The following EDEM1 variants were observed in gnomAD, a reference collection of about 807,000 sequenced individuals.
The protein encoded by EDEM1 is ER degradation enhancing alpha-mannosidase like protein 1.
In EDEM1, 67 loss-of-function variants were observed where a neutral mutation model predicts 74.4. The observed-to-expected ratio is 0.90, with a 90% CI of 0.74 to 1.10. EDEM1 has a LOEUF of 1.10. Ranked by LOEUF, EDEM1 falls within the 50% of genes least tolerant of loss-of-function variation. The pLI is 0.00. For missense variants in EDEM1, 926 were observed against 851.6 expected (o/e 1.09, Z -1.09); for synonymous variants, 382 against 335.9 (o/e 1.14, Z -1.50).
chr3:5,218,059 T>C lies in EDEM1; in HGVS notation c.*2141T>C, dbSNP rs2055263304. ...AAGCCTGGGTGTTCCTTCCTCCTCA[T>C]GCTCCTGGAATAGGGAATAGGGATC... On this transcript the variant is annotated 3_prime_UTR_variant, in exon 12 of 12. Transcript: ENST00000256497. 2 of 152,282 alleles carry C rather than the reference T, an allele frequency of 1.3e-5. No individual in the cohort carries two copies. The highest frequency in any genetic ancestry group is 3.8e-4 in the East Asian group (2 of 5,196). The allele number at this position is 152,282 out of a possible 1,614,324, so 9.4% of individuals were successfully genotyped here.
intron 3 of EDEM1, among the ~76,000 whole-genome samples, chr3:5,200,997 A>G (rs1282815402): frequency 6.6e-6 from 1 of 151,532 alleles, no homozygotes; most frequent in Non-Finnish European, 1.5e-5. Context: ...CCTGGGCTCA[A>G]GCGATCCTCC....
rs747423181 is a variant in EDEM1 at position 5,187,983 on chromosome 3, G to A, written c.178G>A (p.Val60Met). Reference protein sequence around the residue: ...DGPASPTSGPVGRPGGVSGPS... With the variant: ...DGPASPTSGPMGRPGGVSGPS... ...CCCCGCGTCGCCCACCTCGGGGCCC[G>A]TGGGCCGGCCTGGGGGGGTATCCGG... The change falls in exon 1 of 12, where the codon GTG (valine) becomes ATG (methionine). Residue 60 changes from valine to methionine, a missense_variant. By Grantham distance (21) the Val-to-Met change is conservative. Transcript: ENST00000256497. 5 of 1,537,434 alleles carry A rather than the reference G, an allele frequency of 3.3e-6. No homozygotes were observed. Among genetic ancestry groups the A allele is most frequent in the Non-Finnish European group, 4.4e-6 (5 of 1,144,992 alleles).
rs116541977 is a variant in EDEM1 at position 5,193,573 on chromosome 3, T to C, written c.510-1636T>C. ...TCCTAGACTATAGCCCCCATATATA[T>C]CTCGTTTCAAAAAAACAGTATCTAA... On this transcript the variant is annotated intron_variant, in intron 1 of 11. Coordinates refer to ENST00000256497, the MANE Select transcript of EDEM1 (RefSeq NM_014674.3). Among the ~76,000 whole-genome samples the C allele has an allele frequency of 2.4e-3, 369 of 151,748 alleles. 1 individual carries two copies. Among genetic ancestry groups the C allele is most frequent in the South Asian group, 4.4e-3 (21 of 4,818 alleles).
chr3:5,188,671 A>G (rs927696571), intron 1 of EDEM1, among the ~76,000 whole-genome samples: 3 of 152,222 alleles, frequency 2.0e-5, no homozygotes, highest in African/African-American at 7.2e-5. Context: ...CTTCCTCCGG[A>G]TGAGCATAAA....
At chr3:5,204,137 A>T (rs890894999) in intron 5 of EDEM1, among the ~76,000 whole-genome samples, 18 of 152,216 alleles carry the variant, frequency 1.2e-4, no homozygotes, top group Non-Finnish European at 1.6e-4. Flanking sequence ...TCAAATTGTC[A>T]GCCTATCACC....
intron 9 of EDEM1, among the ~76,000 whole-genome samples, chr3:5,210,620 A>T (rs1398837013): frequency 2.0e-5 from 3 of 152,140 alleles, no homozygotes; most frequent in Admixed American, 1.3e-4. Context: ...ATAATCTTTT[A>T]AATATTTTTA....
At position 5,202,022 on chromosome 3, in the gene EDEM1, G is replaced by A. The variant is rs1303540442; in HGVS notation, c.858+98G>A. ...ATTTATTTGGGAGAAGGAATGGGAT[G>A]GAGGTAGATGAGAAAAGCAGTGTCC... On this transcript the variant is annotated intron_variant, in intron 4 of 11. Coordinates refer to ENST00000256497, the MANE Select transcript of EDEM1 (RefSeq NM_014674.3). 8.6e-6 allele frequency: 12 copies of A among 1,401,576 alleles called. No individual in the cohort carries two copies. In the East Asian group the frequency reaches 1.9e-4, roughly 22 times the overall value. The allele number at this position is 1,401,576 out of a possible 1,614,324, so 86.8% of individuals were successfully genotyped here. A position where few individuals can be genotyped will look rare whatever the true frequency, so the allele number is the denominator to read the frequency against.
At chr3:5,201,646 A>G in intron 3 of EDEM1, 107 bp from the exon 4 acceptor site, 1 of 1,309,566 alleles carries the variant, frequency 7.6e-7, no homozygotes, top group Non-Finnish European at 1.1e-6. Flanking sequence ...GACGTCAGGC[A>G]GTTCTGAGTC....
At chr3:5,201,626 A>T in intron 3 of EDEM1, 127 bp from the exon 4 acceptor site, 1 of 1,018,078 alleles carries the variant, frequency 9.8e-7, no homozygotes, top group Non-Finnish European at 1.5e-6. Context: ...CCATTAAGTC[A>T]GGTCTCTCTG....
Position 5,213,164 on chromosome 3 carries a change from C to T in EDEM1, c.1681-155C>T, listed in dbSNP as rs181406085. ...TCTGCCTTGCAGCCTGGGTTGGGCA[C>T]CACAGTTGTCAGTCAATTCCTTTTC... On this transcript the variant is annotated intron_variant, in intron 10 of 11. Coordinates refer to ENST00000256497, the MANE Select transcript of EDEM1 (RefSeq NM_014674.3). Among the ~76,000 whole-genome samples, 211 of 152,256 alleles carry T rather than the reference C, an allele frequency of 1.4e-3. 1 individual carries two copies. Among genetic ancestry groups the T allele is most frequent in the African/African-American group, 4.9e-3 (204 of 41,548 alleles).
At chr3:5,203,411 G>C (rs372910291) in intron 5 of EDEM1, among the ~76,000 whole-genome samples, 1 of 152,182 alleles carries the variant, frequency 6.6e-6, no homozygotes, top group East Asian at 1.9e-4. Flanking sequence ...ATTGTTAATG[G>C]AAATGCCGTA....
rs2055268473 is a variant in EDEM1 at position 5,218,449 on chromosome 3, G to C, written c.*2531G>C. ...TTCTGTTCTGTGTTCTGAAATACTG[G>C]GTAGAGAATGGCTGAGGAGGAGATT... On this transcript the variant is annotated 3_prime_UTR_variant, in exon 12 of 12. Coordinates refer to ENST00000256497, the MANE Select transcript of EDEM1 (RefSeq NM_014674.3). 6.6e-6 allele frequency: 1 copy of C among 151,830 alleles called. No individual in the cohort carries two copies. Among genetic ancestry groups the C allele is most frequent in the South Asian group, 2.1e-4 (1 of 4,806 alleles). 9.4% of individuals were successfully genotyped at this position (151,830 alleles called of 1,614,324 possible).
rs1027969446 is a variant in EDEM1 at position 5,203,209 on chromosome 3, C to T, written c.1042+60C>T. The T allele has an allele frequency of 5.5e-6, 8 of 1,453,946 alleles. No individual in the cohort carries two copies. The Admixed American group carries it at 1.8e-4, about 32-fold the overall frequency. The allele number at this position is 1,453,946 out of a possible 1,614,324, so 90.1% of individuals were successfully genotyped here. Reference sequence around the variant, plus strand: ...CTGCTTGGTCCCCTTTTCCTTTCATCTTCTCTGGGCTCTGCCCCCTTTTTA... The same window carrying T: ...CTGCTTGGTCCCCTTTTCCTTTCATTTTCTCTGGGCTCTGCCCCCTTTTTA... On this transcript the variant is annotated intron_variant, in intron 5 of 11. Coordinates refer to ENST00000256497, the MANE Select transcript of EDEM1 (RefSeq NM_014674.3).
chr3:5,211,255 T>A, intron 10 of EDEM1, 39 bp downstream of exon 10: 1 of 1,584,626 alleles, frequency 6.3e-7, no homozygotes, highest in Non-Finnish European at 8.7e-7. Context: ...ATATTTAGTA[T>A]TGCTTAGAGC....
chr3:5,214,567 A>G (rs1455449628), intron 11 of EDEM1, among the ~76,000 whole-genome samples: 5 of 152,226 alleles, frequency 3.3e-5, no homozygotes, highest in Admixed American at 2.6e-4. Flanking sequence ...AGCATTTGCA[A>G]ACACATACCA....
At chr3:5,207,979 G>A (rs1421557465) in intron 7 of EDEM1, 114 bp from the exon 8 acceptor site, 4 of 1,297,948 alleles carry the variant, frequency 3.1e-6, no homozygotes, top group Non-Finnish European at 3.1e-6. Context: ...TTAACCGTAT[G>A]TGTAGGTCAA....
chr3:5,195,504 G>A (rs2054954687), intron 2 of EDEM1, among the ~76,000 whole-genome samples: 2 of 152,098 alleles, frequency 1.3e-5, no homozygotes, highest in Admixed American at 1.3e-4. Context: ...GAGAAGGAAT[G>A]TACGATTGAT....
chr3:5,203,413 A>T (rs995451306), intron 5 of EDEM1, among the ~76,000 whole-genome samples: 3 of 152,166 alleles, frequency 2.0e-5, no homozygotes, highest in African/African-American at 7.2e-5. Flanking sequence ...TGTTAATGGA[A>T]ATGCCGTAAA....
chr3:5,204,960 G>T, intron 5 of EDEM1, 107 bp from the exon 6 acceptor site: 2 of 1,252,206 alleles, frequency 1.6e-6, no homozygotes, highest in Non-Finnish European at 1.1e-6. Context: ...TGTATGCCAA[G>T]GATAAAGGTG....
Sources: gnomAD v4.1 joint callset for allele counts (sites outside exome capture counted in the v4.1 genomes callset) on GRCh38, gnomAD v4.1.1 for gene constraint, MANE v1.5 for transcripts, NCBI Gene and HGNC (gene_info 2026-07-23, HGNC 2026-07-21) for gene names.